ZNF215: variants seen among roughly 807,000 people sequenced by gnomAD.
ZNF215 encodes zinc finger protein 215.
In ZNF215, 24 loss-of-function variants were observed where a neutral mutation model predicts 27.2. The observed-to-expected ratio is 0.88, with a 90% CI of 0.64 to 1.24. The LOEUF is 1.24. ZNF215 is among the 50% of genes most tolerant of loss of function. The probability of loss-of-function intolerance (pLI) is 0.00; values close to 1 mark genes in which losing one functional copy is unlikely to be tolerated. For missense variants in ZNF215, 675 were observed against 605.7 expected (o/e 1.11, Z -1.20); for synonymous variants, 210 against 204.0 (o/e 1.03, Z -0.25).
At chr11:6,982,367 G>T (rs1349458459) in intron 5 of ZNF215, among the ~76,000 whole-genome samples, 1 of 151,956 alleles carries the variant, frequency 6.6e-6, no homozygotes, top group African/African-American at 2.4e-5. Flanking sequence ...AAGTTAACAA[G>T]GATACCCAGG....
Position 6,956,884 on chromosome 11 carries a change from T to G in ZNF215, c.*353T>G, listed in dbSNP as rs1850381167. The G allele has an allele frequency of 6.0e-6, 6 of 1,006,414 alleles. No individual in the cohort carries two copies. The highest frequency in any genetic ancestry group is 7.1e-6 in the Non-Finnish European group (6 of 843,088). 62.3% of individuals were successfully genotyped at this position (1,006,414 alleles called of 1,614,324 possible). On this transcript the variant is annotated 3_prime_UTR_variant, in exon 7 of 7. Transcript: ENST00000278319. ...CCTGATTTATTGACGAAGTAGACAT[T>G]AGGCAAAGCCAAACAATACTCTTGG...
intron 2 of ZNF215, among the ~76,000 whole-genome samples, chr11:6,931,160 C>T (rs10742993): frequency 0.39 from 59,185 of 151,958 alleles, 11,710 homozygotes; most frequent in East Asian, 0.49. Flanking sequence ...TAGTAAATTG[C>T]ATCTGGACTT....
chr11:6,982,615 A>G (rs1290241712), intron 5 of ZNF215, among the ~76,000 whole-genome samples: 3 of 152,208 alleles, frequency 2.0e-5, no homozygotes, highest in Admixed American at 6.5e-5. Flanking sequence ...ACTCAAAACC[A>G]CTCAACTACA....
chr11:6,943,447 T>C, intron 5 of ZNF215, 99 bp from the exon 6 acceptor site: 1 of 1,226,616 alleles, frequency 8.2e-7, no homozygotes, highest in South Asian at 1.4e-5. Flanking sequence ...TTCAGCAGCT[T>C]GGATTACTGT....
intron 2 of ZNF215, among the ~76,000 whole-genome samples, chr11:6,931,030 A>T (rs547219534): frequency 2.0e-5 from 3 of 152,344 alleles, no homozygotes; most frequent in South Asian, 4.1e-4. Flanking sequence ...GAGGCCAGGT[A>T]CAATCTCTAG....
At position 6,955,920 on chromosome 11, in the gene ZNF215, G is replaced by T. The variant is rs374540447; in HGVS notation, c.943G>T (p.Val315Phe). ...ENKKSFDINSVSSICAIQVGI... is the reference protein window; with the variant it reads ...ENKKSFDINSFSSICAIQVGI... ...TAAGAAAAGCTTTGATATTAATTCA[G>T]TTAGCTCAATTTGTGCTATACAAGT... Residue 315 changes from valine (V) to phenylalanine (F), a missense_variant, in exon 7 of 7, where the codon GTT (valine) becomes TTT (phenylalanine). Physicochemically the swap from Val to Phe is conservative, Grantham distance 50. Coordinates refer to ENST00000278319, the MANE Select transcript of ZNF215 (RefSeq NM_013250.4). 2.9e-5 allele frequency: 46 copies of T among 1,612,280 alleles called. No individual in the cohort carries two copies. The African/African-American group carries it at 4.8e-4, about 17-fold the overall frequency.
intron 5 of ZNF215, among the ~76,000 whole-genome samples, chr11:6,979,463 T>A (rs1034378560): frequency 2.0e-5 from 3 of 152,090 alleles, no homozygotes; most frequent in Admixed American, 6.6e-5. Context: ...CTGTTACTTA[T>A]ATCTGTTTAT....
intron 5 of ZNF215, among the ~76,000 whole-genome samples, chr11:6,966,291 C>T (rs1850616151): frequency 6.6e-6 from 1 of 151,976 alleles, no homozygotes; most frequent in Admixed American, 6.6e-5. Context: ...TACACATGTG[C>T]ACAAAGTAGA....
intron 5 of ZNF215, among the ~76,000 whole-genome samples, chr11:6,976,352 G>C (rs144417851): frequency 1.3e-5 from 2 of 151,980 alleles, no homozygotes; most frequent in African/African-American, 4.8e-5. Context: ...TTGACACAGA[G>C]ACCAAGGATG....
intron 5 of ZNF215, among the ~76,000 whole-genome samples, chr11:6,972,666 A>G (rs1024743449): frequency 2.0e-5 from 3 of 152,176 alleles, no homozygotes; most frequent in South Asian, 2.1e-4. Context: ...ATATAAATCA[A>G]TGGAAGGTGG....
chr11:6,934,731 T>C (rs1849376949), intron 3 of ZNF215, among the ~76,000 whole-genome samples: 1 of 152,164 alleles, frequency 6.6e-6, no homozygotes, highest in African/African-American at 2.4e-5. Flanking sequence ...CCTGAATAAT[T>C]CAGGATGATC....
intron 6 of ZNF215, among the ~76,000 whole-genome samples, chr11:6,949,648 G>A (rs1345832970): frequency 2.6e-5 from 4 of 152,248 alleles, no homozygotes; most frequent in East Asian, 1.9e-4. Context: ...TGTCAGATGA[G>A]TAGGTTGCGA....
At chr11:6,955,346 A>G (rs1029328465) in intron 6 of ZNF215, among the ~76,000 whole-genome samples, 1 of 152,192 alleles carries the variant, frequency 6.6e-6, no homozygotes, top group East Asian at 1.9e-4. Context: ...ATGCTAGAAG[A>G]AGGAATATTA....
intron 5 of ZNF215, among the ~76,000 whole-genome samples, chr11:6,977,113 C>T (rs1850850261): frequency 6.6e-6 from 1 of 152,058 alleles, no homozygotes; most frequent in Admixed American, 6.6e-5. Flanking sequence ...TGTTGAAGTC[C>T]TAATTCCAAA....
At chr11:6,969,308 C>A (rs915845625) in intron 5 of ZNF215, among the ~76,000 whole-genome samples, 1 of 152,050 alleles carries the variant, frequency 6.6e-6, no homozygotes. Context: ...TGTTTACTTT[C>A]CTGTATCAAA....
At chr11:6,986,962 G>A (rs1450147110), downstream of ZNF215, among the ~76,000 whole-genome samples, 4 of 152,168 alleles carry the variant, frequency 2.6e-5, no homozygotes, top group Non-Finnish European at 5.9e-5. Context: ...TCAGCCAACC[G>A]TGGAGAGCAG....
chr11:6,931,906 T>C (rs1849277133), intron 2 of ZNF215, among the ~76,000 whole-genome samples, 188 bp from the exon 3 acceptor site: 1 of 152,254 alleles, frequency 6.6e-6, no homozygotes. Flanking sequence ...TATTCGTGTG[T>C]GTTTCTTTGT....
Position 6,955,829 on chromosome 11 carries a change from G to A in ZNF215, c.852G>A (p.Leu284=). The change falls in exon 7 of 7, where the codon TTG becomes TTA. Residue 284 remains leucine, a synonymous_variant. Coordinates refer to ENST00000278319, the MANE Select transcript of ZNF215 (RefSeq NM_013250.4). Reference sequence around the variant, plus strand: ...ACCAGAAAAAATGGGACATAAATTTGCCACAAGAGGCTTTCATTCCTGAGA... The same window carrying A: ...ACCAGAAAAAATGGGACATAAATTTACCACAAGAGGCTTTCATTCCTGAGA... The part of the protein sequence containing the change: ...YRNQKKWDIN[L]PQEAFIPETI... 1 of 1,613,624 alleles carries A rather than the reference G, an allele frequency of 6.2e-7. No individual in the cohort carries two copies. The highest frequency in any genetic ancestry group is 1.1e-5 in the South Asian group (1 of 90,840).
intron 3 of ZNF215, among the ~76,000 whole-genome samples, chr11:6,934,485 G>T (rs891949923): frequency 6.6e-6 from 1 of 152,066 alleles, no homozygotes; most frequent in Non-Finnish European, 1.5e-5. Context: ...ATCCAACACG[G>T]GTCTCCCTCA....
Sources: allele counts gnomAD v4.1 joint callset (sites outside exome capture counted in the v4.1 genomes callset), GRCh38; gene constraint gnomAD v4.1.1; transcripts MANE v1.5; gene names NCBI Gene and HGNC (gene_info 2026-07-23, HGNC 2026-07-21).